TRPC5: variants seen among roughly 807,000 people sequenced by gnomAD.
TRPC5 encodes short transient receptor potential channel 5.
TRPC5 carries 9 observed loss-of-function variants against 56.5 expected under a neutral mutation model. The observed-to-expected ratio is 0.16, with a 90% confidence interval of 0.10 to 0.28. The LOEUF is 0.28. Among genes scored for constraint, TRPC5 ranks in the 10% least tolerant of loss-of-function variants. TRPC5 has a pLI of 1.00. For missense variants in TRPC5, 469 were observed against 748.9 expected, an observed-to-expected ratio of 0.63 and a Z score of 4.36; for synonymous variants, 282 against 278.5, an observed-to-expected ratio of 1.01 and a Z score of -0.13.
At chrX:112,063,801 G>GT (rs930570928) in intron 1 of TRPC5, among the ~76,000 whole-genome samples, 4 of 111,198 alleles carry the variant, frequency 3.6e-5, no homozygotes, top group South Asian at 7.5e-4. Flanking sequence ...TTTGTTTTTG[G>GT]TTTTTTTTGA....
intron 3 of TRPC5, among the ~76,000 whole-genome samples, chrX:111,887,505 G>A (rs1046211176): frequency 8.9e-6 from 1 of 112,035 alleles, no homozygotes; most frequent in Admixed American, 9.4e-5. Flanking sequence ...AGGCTTTGCA[G>A]TATAATATTG....
chrX:111,911,520 GGGCTAAGTTAGCCTTGTTAGGA>G (rs1925816628), intron 3 of TRPC5, among the ~76,000 whole-genome samples: 1 of 111,787 alleles, frequency 8.9e-6, no homozygotes, highest in Non-Finnish European at 1.9e-5. Context: ...CTTCCTTAAA[GGGCTAAGTTAGCCTTGTTAGGA>G]GGCTCTCCCA....
intron 1 of TRPC5, among the ~76,000 whole-genome samples, chrX:111,954,783 G>T (rs138849574): frequency 1.8e-5 from 2 of 111,460 alleles, no homozygotes; most frequent in Non-Finnish European, 3.8e-5. Flanking sequence ...GCACAGTTGT[G>T]GGGGGAAGCA....
chrX:112,040,550 T>C (rs1929866761), intron 1 of TRPC5, among the ~76,000 whole-genome samples: 1 of 111,689 alleles, frequency 9.0e-6, no homozygotes. Flanking sequence ...CCAGACAGAC[T>C]TTTCAGAGGC....
At chrX:111,949,597 C>T (rs763435108) in intron 2 of TRPC5, among the ~76,000 whole-genome samples, 8 of 111,874 alleles carry the variant, frequency 7.2e-5, no homozygotes, top group African/African-American at 9.8e-5. Flanking sequence ...AAAAAATGCT[C>T]GACATCACTG....
Position 112,010,868 on chromosome X carries a change from G to C in TRPC5, c.-21-58427C>G, listed in dbSNP as rs1204909524. ...GACTAGTGCCTGGCACATGGAAACT[G>C]TTACATAATTGTTTGTTAAGTAAAT... is the stretch of plus-strand genomic sequence containing the variant. On this transcript the variant is annotated intron_variant, in intron 1 of 10. Coordinates refer to ENST00000262839, the MANE Select transcript of TRPC5 (RefSeq NM_012471.3). Among the ~76,000 whole-genome samples the C allele has an allele frequency of 5.4e-4, 60 of 111,597 alleles. 4 individuals are homozygous for C. Among genetic ancestry groups the C allele is most frequent in the Non-Finnish European group, 3.8e-5 (2 of 53,197 alleles).
intron 7 of TRPC5, among the ~76,000 whole-genome samples, chrX:111,789,979 A>G (rs1946005158): frequency 8.9e-6 from 1 of 112,261 alleles, no homozygotes. Flanking sequence ...AATTGGTTCA[A>G]CAATTGTGGA....
rs1350861484 is a variant in TRPC5, at chrX:111,912,339, G to A, written c.852C>T (p.Tyr284=). ...CCACCTTCAACTTGGCCAGGTCATGGTACTTCTGAGGGTCAAGCTCTTCAC... is the reference window on the plus strand; with the variant it reads ...CCACCTTCAACTTGGCCAGGTCATGATACTTCTGAGGGTCAAGCTCTTCAC... ...DHSEELDPQK[Y]HDLAKLKVAI... The change falls in exon 3 of 11, where the codon TAC becomes TAT. Residue 284 remains tyrosine, a synonymous_variant. Transcript: ENST00000262839. 3.3e-6 allele frequency: 4 copies of A among 1,207,389 alleles called. No homozygotes were observed. The Admixed American group carries it at 8.8e-5, about 27-fold the overall frequency.
At chrX:111,804,069 G>A (rs1317099391) in intron 7 of TRPC5, among the ~76,000 whole-genome samples, 2 of 111,965 alleles carry the variant, frequency 1.8e-5, no homozygotes, top group Admixed American at 9.4e-5. Context: ...TTCTACATAT[G>A]GCTAGCCAGT....
chrX:111,914,878 G>A (rs1925927915), intron 2 of TRPC5, among the ~76,000 whole-genome samples: 1 of 111,733 alleles, frequency 8.9e-6, no homozygotes, highest in Non-Finnish European at 1.9e-5. Flanking sequence ...GTCTGCCCAG[G>A]AAGAAGCGAG....
intron 3 of TRPC5, among the ~76,000 whole-genome samples, chrX:111,875,783 G>A (rs1923918937): frequency 9.1e-6 from 1 of 109,566 alleles, no homozygotes; most frequent in Non-Finnish European, 1.9e-5. Context: ...CTTGGTTGAT[G>A]CCTCTGATTA....
chrX:111,807,958 G>C (rs6642941), intron 7 of TRPC5, among the ~76,000 whole-genome samples: 829 of 74,887 alleles, frequency 0.011, 9 homozygotes, highest in South Asian at 0.028. Context: ...CTCTCTCTCT[G>C]TGTGTGTGTG....
chrX:111,988,959 A>C (rs1318641447), intron 1 of TRPC5, among the ~76,000 whole-genome samples: 2 of 112,051 alleles, frequency 1.8e-5, no homozygotes, highest in African/African-American at 6.5e-5. Context: ...CCTAATATGG[A>C]AAGTAGCATT....
intron 7 of TRPC5, among the ~76,000 whole-genome samples, chrX:111,797,633 T>A (rs1292262216): frequency 1.8e-5 from 2 of 112,224 alleles, no homozygotes; most frequent in Non-Finnish European, 3.8e-5. Flanking sequence ...TTTAAAAATA[T>A]TTGGATAACT....
At chrX:111,875,250 G>C (rs185266710) in intron 3 of TRPC5, among the ~76,000 whole-genome samples, 1 of 112,197 alleles carries the variant, frequency 8.9e-6, no homozygotes, top group East Asian at 2.8e-4. Flanking sequence ...GAATGTGGCT[G>C]TGTGCCTGGC....
At chrX:111,985,832 A>C (rs1182169852) in intron 1 of TRPC5, among the ~76,000 whole-genome samples, 1 of 111,798 alleles carries the variant, frequency 8.9e-6, no homozygotes, top group African/African-American at 3.2e-5. Context: ...GTTGTCCCTT[A>C]TGGTAACCAT....
chrX:111,941,779 G>T (rs1926785883), intron 2 of TRPC5, among the ~76,000 whole-genome samples: 1 of 111,923 alleles, frequency 8.9e-6, no homozygotes, highest in Non-Finnish European at 1.9e-5. Context: ...AGTGGCTCTA[G>T]TCTCAAGATA....
intron 1 of TRPC5, among the ~76,000 whole-genome samples, chrX:111,956,451 T>C (rs1311196659): frequency 9.0e-6 from 1 of 111,637 alleles, no homozygotes; most frequent in Non-Finnish European, 1.9e-5. Context: ...AAATAATTCT[T>C]AATATATACC....
intron 1 of TRPC5, among the ~76,000 whole-genome samples, chrX:111,959,743 C>T (rs1242048544): frequency 9.0e-6 from 1 of 111,522 alleles, no homozygotes; most frequent in Non-Finnish European, 1.9e-5. Context: ...CAAAGGTTCT[C>T]AACCCTGGCT....
Sources: gnomAD v4.1 joint callset for allele counts (sites outside exome capture counted in the v4.1 genomes callset) on GRCh38, gnomAD v4.1.1 for gene constraint, MANE v1.5 for transcripts, NCBI Gene and HGNC (gene_info 2026-07-23, HGNC 2026-07-21) for gene names.